Variants in TCEANC2 observed in about 807,000 individuals in gnomAD.
TCEANC2 encodes the protein transcription elongation factor A N-terminal and central domain-containing protein 2.
Under a neutral mutation model 22.8 loss-of-function variants are expected in TCEANC2, and 20 were observed. The observed-to-expected ratio is 0.88, with a 90% confidence interval of 0.62 to 1.28. TCEANC2 has a LOEUF of 1.28. Among genes scored for constraint, TCEANC2 ranks in the 50% most tolerant of loss-of-function variants. The pLI, the probability that TCEANC2 is intolerant of heterozygous loss-of-function variation, is 0.00. For missense variants in TCEANC2, 251 were observed against 249.7 expected (o/e 1.01, Z -0.03); for synonymous variants, 84 against 95.5 (o/e 0.88, Z 0.70).
intron 3 of TCEANC2, among the ~76,000 whole-genome samples, chr1:54,085,559 C>T (rs1658324725): frequency 6.6e-6 from 1 of 151,974 alleles, no homozygotes; most frequent in Admixed American, 6.6e-5. Flanking sequence ...ATAATATGTT[C>T]TAATATCTTA....
At chr1:54,087,481 C>G (rs1166682763) in intron 3 of TCEANC2, among the ~76,000 whole-genome samples, 1 of 152,200 alleles carries the variant, frequency 6.6e-6, no homozygotes, top group East Asian at 1.9e-4. Context: ...GTCATTTCAA[C>G]TCTACATACT....
chr1:54,061,214 T>A (rs1404018564), intron 2 of TCEANC2, among the ~76,000 whole-genome samples: 3 of 152,248 alleles, frequency 2.0e-5, no homozygotes, highest in Admixed American at 2.0e-4. Flanking sequence ...AGGTCCACTT[T>A]CTGCCAAGTG....
At chr1:54,109,058 G>A (rs1474869731), downstream of TCEANC2, among the ~76,000 whole-genome samples, 4 of 152,150 alleles carry the variant, frequency 2.6e-5, no homozygotes, top group Non-Finnish European at 4.4e-5. Flanking sequence ...TGAACCAGAC[G>A]GGGGCTCACA....
chr1:54,091,880 A>T (rs1207516983), intron 4 of TCEANC2, among the ~76,000 whole-genome samples: 2 of 152,146 alleles, frequency 1.3e-5, no homozygotes, highest in Admixed American at 1.3e-4. Context: ...TATGTCATTT[A>T]AAAAAATGAA....
intron 2 of TCEANC2, among the ~76,000 whole-genome samples, chr1:54,060,141 C>T (rs1657823421): frequency 6.6e-6 from 1 of 152,182 alleles, no homozygotes; most frequent in Admixed American, 6.6e-5. Context: ...GGCGCAGTGG[C>T]TCACACCTGT....
intron 3 of TCEANC2, among the ~76,000 whole-genome samples, chr1:54,070,096 G>GC (rs1426065369): frequency 2.0e-5 from 3 of 152,024 alleles, no homozygotes; most frequent in Non-Finnish European, 2.9e-5. Flanking sequence ...TCCCCAGAGG[G>GC]CCCCCCAAGA....
intron 4 of TCEANC2, among the ~76,000 whole-genome samples, chr1:54,089,150 C>G (rs1658394898): frequency 6.6e-6 from 1 of 152,140 alleles, no homozygotes; most frequent in Admixed American, 6.6e-5. Context: ...AGTCCTACCA[C>G]TTAAGGTATT....
intron 2 of TCEANC2, among the ~76,000 whole-genome samples, chr1:54,061,821 A>G (rs906809507): frequency 6.6e-6 from 1 of 152,188 alleles, no homozygotes; most frequent in African/African-American, 2.4e-5. Context: ...TATTAGGACC[A>G]TTGTACTTCT....
intron 3 of TCEANC2, among the ~76,000 whole-genome samples, chr1:54,077,937 C>G (rs1557690445): frequency 6.6e-6 from 1 of 152,164 alleles, no homozygotes. Context: ...GTCCATGTCT[C>G]CAGCTTAACT....
chr1:54,072,539 G>A (rs1251084237), intron 3 of TCEANC2, among the ~76,000 whole-genome samples: 26 of 152,172 alleles, frequency 1.7e-4, no homozygotes, highest in Non-Finnish European at 7.4e-5. Context: ...TGGGACTACA[G>A]GCACGTGCCA....
intron 2 of TCEANC2, among the ~76,000 whole-genome samples, chr1:54,057,600 T>C (rs2100352318): frequency 6.6e-6 from 1 of 152,288 alleles, no homozygotes; most frequent in Non-Finnish European, 1.5e-5. Context: ...CTATGGTCTG[T>C]TGACTTGTCT....
intron 3 of TCEANC2, among the ~76,000 whole-genome samples, chr1:54,085,410 C>T (rs1658320926): frequency 6.6e-6 from 1 of 152,058 alleles, no homozygotes; most frequent in Non-Finnish European, 1.5e-5. Flanking sequence ...TTTTCTGTTT[C>T]CCTTTGTTCA....
chr1:54,054,862 T>C (rs1447082912), intron 2 of TCEANC2, among the ~76,000 whole-genome samples: 2 of 152,238 alleles, frequency 1.3e-5, no homozygotes, highest in African/African-American at 4.8e-5. Context: ...TACAAACTTA[T>C]TAAGGGGTGG....
Position 54,100,229 on chromosome 1 carries a change from C to T in TCEANC2, c.*3756C>T, listed in dbSNP as rs1258833062. 1.3e-5 allele frequency: 2 copies of T among 152,188 alleles called. No individual in the cohort carries two copies. The highest frequency in any genetic ancestry group is 2.9e-5 in the Non-Finnish European group (2 of 68,056). The allele number at this position is 152,188 out of a possible 1,614,324, so 9.4% of individuals were successfully genotyped here. A position where few individuals can be genotyped will look rare whatever the true frequency, so the allele number is the denominator to read the frequency against. On this transcript the variant is annotated 3_prime_UTR_variant, in exon 5 of 5. Transcript: ENST00000234827. Reference sequence around the variant, plus strand: ...CTCCAGCCTGGGCGACAGAGCAAGACTCACCTCAGTCTCAAAGATAAAATA... The same window carrying T: ...CTCCAGCCTGGGCGACAGAGCAAGATTCACCTCAGTCTCAAAGATAAAATA...
At chr1:54,111,011 C>T (rs1163646024), downstream of TCEANC2, 2 of 152,220 alleles carry the variant, frequency 1.3e-5, no homozygotes, top group African/African-American at 4.8e-5. Context: ...ACCATATGCA[C>T]TTCTTTATTC....
chr1:54,056,070 A>G (rs544071475), intron 2 of TCEANC2, among the ~76,000 whole-genome samples: 20 of 152,334 alleles, frequency 1.3e-4, no homozygotes, highest in African/African-American at 4.3e-4. Flanking sequence ...ATTGAGCCCT[A>G]CCAAACTCTA....
chr1:54,080,215 C>T (rs1425702240), intron 3 of TCEANC2, among the ~76,000 whole-genome samples: 2 of 150,450 alleles, frequency 1.3e-5, no homozygotes, highest in African/African-American at 2.5e-5. Flanking sequence ...GCGATCTTGG[C>T]GCACTGAAAC....
intron 3 of TCEANC2, among the ~76,000 whole-genome samples, chr1:54,079,023 A>T (rs1658194457): frequency 6.6e-6 from 1 of 152,188 alleles, no homozygotes; most frequent in Non-Finnish European, 1.5e-5. Flanking sequence ...TATCAAGGAA[A>T]CCAAAGAGCA....
intron 3 of TCEANC2, among the ~76,000 whole-genome samples, chr1:54,081,810 C>G (rs904742802): frequency 6.6e-6 from 1 of 152,190 alleles, no homozygotes; most frequent in African/African-American, 2.4e-5. Flanking sequence ...CTGGGCATGG[C>G]TCTTGTGGGA....
Sources: allele counts gnomAD v4.1 joint callset (sites outside exome capture counted in the v4.1 genomes callset), GRCh38; gene constraint gnomAD v4.1.1; transcripts MANE v1.5; gene names NCBI Gene and HGNC (gene_info 2026-07-23, HGNC 2026-07-21).